Variants in NOL4 observed in about 807,000 individuals in gnomAD.
The protein encoded by NOL4 is nucleolar protein 4, also known as cancer/testis antigen 125.
Under a neutral mutation model 75.9 loss-of-function variants are expected in NOL4, and 17 were observed. The ratio of observed to expected loss-of-function variants is 0.22; its 90% CI spans 0.15 to 0.34. NOL4 has a LOEUF of 0.34. Among genes scored for constraint, NOL4 ranks in the 10% least tolerant of loss-of-function variants. The pLI, the probability that NOL4 is intolerant of heterozygous loss-of-function variation, is 1.00. For synonymous variants in NOL4, 292 were observed against 289.9 expected (o/e 1.01, Z -0.07); for missense variants, 614 against 793.5 (o/e 0.77, Z 2.72).
chr18:33,942,471 G>A lies in NOL4; in HGVS notation c.1542+594C>T, dbSNP rs138202107. ...GCAAAGTACAAAAAAAAGAAACATC[G>A]CCAATACACAGATGCCTTAGAAAAA... On this transcript the variant is annotated intron_variant, in intron 9 of 10. Coordinates refer to ENST00000261592, the MANE Select transcript of NOL4 (RefSeq NM_003787.5). 8.6e-5 allele frequency among the ~76,000 whole-genome samples: 13 copies of A among 151,802 alleles called. No homozygotes were observed. In the East Asian group the frequency reaches 1.2e-3, roughly 14 times the overall value.
At chr18:33,973,252 C>G (rs2071222664) in intron 6 of NOL4, among the ~76,000 whole-genome samples, 1 of 152,144 alleles carries the variant, frequency 6.6e-6, no homozygotes, top group African/African-American at 2.4e-5. Context: ...CCATAAGAAG[C>G]AACTCCTCAT....
At chr18:34,119,486 C>T (rs1484761883) in intron 2 of NOL4, among the ~76,000 whole-genome samples, 1 of 152,186 alleles carries the variant, frequency 6.6e-6, no homozygotes, top group African/African-American at 2.4e-5. Context: ...TAGAAAAGCA[C>T]TGCCCACATT....
intron 2 of NOL4, among the ~76,000 whole-genome samples, chr18:34,110,794 A>G (rs2079550311): frequency 6.6e-6 from 1 of 152,082 alleles, no homozygotes; most frequent in African/African-American, 2.4e-5. Flanking sequence ...TAAAGACCCC[A>G]CCAAAACAAT....
intron 6 of NOL4, among the ~76,000 whole-genome samples, chr18:33,983,359 G>T (rs970760354): frequency 6.6e-6 from 1 of 151,956 alleles, no homozygotes; most frequent in African/African-American, 2.4e-5. Context: ...TGTCATTGTA[G>T]GTTCACTGAT....
intron 6 of NOL4, among the ~76,000 whole-genome samples, chr18:33,976,151 G>A (rs1176174616): frequency 6.6e-6 from 1 of 152,092 alleles, no homozygotes; most frequent in Non-Finnish European, 1.5e-5. Flanking sequence ...CAGGTCAGGG[G>A]CTGGGGAGGG....
chr18:33,921,244 T>C (rs968631437), intron 9 of NOL4, among the ~76,000 whole-genome samples: 1 of 152,108 alleles, frequency 6.6e-6, no homozygotes, highest in African/African-American at 2.4e-5. Context: ...TTAAAGACAA[T>C]ATTTGGGACT....
At chr18:34,111,869 C>A (rs1242123172) in intron 2 of NOL4, among the ~76,000 whole-genome samples, 1 of 152,060 alleles carries the variant, frequency 6.6e-6, no homozygotes, top group Non-Finnish European at 1.5e-5. Context: ...AAAAGGGAAG[C>A]CTTGTACACT....
chr18:34,144,137 A>C (rs1334493835), intron 1 of NOL4, among the ~76,000 whole-genome samples: 1 of 152,138 alleles, frequency 6.6e-6, no homozygotes, highest in Non-Finnish European at 1.5e-5. Context: ...TACACTATAT[A>C]AAAATAATTA....
chr18:34,091,830 G>A (rs568489203), intron 5 of NOL4, among the ~76,000 whole-genome samples: 2 of 152,184 alleles, frequency 1.3e-5, no homozygotes, highest in Non-Finnish European at 2.9e-5. Flanking sequence ...GAAGGGTTAG[G>A]CCTAGGTTAG....
At chr18:34,122,166 A>C (rs2080172675) in intron 2 of NOL4, among the ~76,000 whole-genome samples, 1 of 152,216 alleles carries the variant, frequency 6.6e-6, no homozygotes, top group South Asian at 2.1e-4. Context: ...AATTCAGCTG[A>C]GGAAAGTGTT....
intron 10 of NOL4, among the ~76,000 whole-genome samples, chr18:33,856,250 T>C (rs1015676893): frequency 6.6e-6 from 1 of 152,066 alleles, no homozygotes; most frequent in African/African-American, 2.4e-5. Flanking sequence ...AAATAAGTGA[T>C]GTTATTAATA....
chr18:33,989,121 G>A (rs182032202), intron 6 of NOL4, among the ~76,000 whole-genome samples: 4 of 144,234 alleles, frequency 2.8e-5, no homozygotes, highest in African/African-American at 1.0e-4. Context: ...CCAGGAGGTC[G>A]AGGCTGCAGT....
At chr18:34,176,158 G>T (rs2033529657) in intron 1 of NOL4, among the ~76,000 whole-genome samples, 1 of 151,990 alleles carries the variant, frequency 6.6e-6, no homozygotes, top group Non-Finnish European at 1.5e-5. Context: ...GGACCAAGTG[G>T]AAATCCTGGA....
At chr18:33,897,098 T>C (rs558454655) in intron 9 of NOL4, among the ~76,000 whole-genome samples, 4 of 152,166 alleles carry the variant, frequency 2.6e-5, no homozygotes, top group African/African-American at 9.6e-5. Flanking sequence ...TGGCTATTAC[T>C]AAAAAGTCAA....
intron 1 of NOL4, among the ~76,000 whole-genome samples, chr18:34,183,033 G>A (rs942725564): frequency 6.6e-6 from 1 of 151,720 alleles, no homozygotes; most frequent in Non-Finnish European, 1.5e-5. Flanking sequence ...AATATCATTT[G>A]TGAAAGAAAA....
At chr18:33,984,014 A>C (rs934302823) in intron 6 of NOL4, among the ~76,000 whole-genome samples, 3 of 152,156 alleles carry the variant, frequency 2.0e-5, no homozygotes, top group Non-Finnish European at 4.4e-5. Flanking sequence ...TAAAGAAATC[A>C]TTTGGGTTTC....
chr18:33,937,707 G>A (rs2068158305), intron 9 of NOL4, among the ~76,000 whole-genome samples: 1 of 152,092 alleles, frequency 6.6e-6, no homozygotes, highest in Admixed American at 6.6e-5. Flanking sequence ...GTAGGAAGTA[G>A]AATCACTTGG....
At chr18:33,913,717 T>G (rs2145172738) in intron 9 of NOL4, among the ~76,000 whole-genome samples, 1 of 152,240 alleles carries the variant, frequency 6.6e-6, no homozygotes, top group Non-Finnish European at 1.5e-5. Flanking sequence ...ACCTGTGAAC[T>G]TCCACTCCAG....
At chr18:34,148,809 G>T (rs1043674176) in intron 1 of NOL4, among the ~76,000 whole-genome samples, 2 of 151,754 alleles carry the variant, frequency 1.3e-5, no homozygotes, top group East Asian at 3.9e-4. Flanking sequence ...TTGACAGGGG[G>T]GTATTAAAGT....
Sources: allele counts gnomAD v4.1 joint callset (sites outside exome capture counted in the v4.1 genomes callset), GRCh38; gene constraint gnomAD v4.1.1; transcripts MANE v1.5; gene names NCBI Gene and HGNC (gene_info 2026-07-23, HGNC 2026-07-21).